The following PROX1 variants were observed in gnomAD, a reference collection of about 807,000 sequenced individuals.
The protein encoded by PROX1 is prospero homeobox 1.
Under a neutral mutation model 58.8 loss-of-function variants are expected in PROX1, and 7 were observed. That is an observed-to-expected ratio of 0.12 (90% CI 0.07 to 0.22). PROX1 has a LOEUF of 0.22. PROX1 is among the 10% of genes least tolerant of loss of function. The probability of loss-of-function intolerance (pLI) is 1.00; values close to 1 mark genes in which losing one functional copy is unlikely to be tolerated. For missense variants in PROX1, 675 were observed against 927.8 expected (o/e 0.73, Z 3.54); for synonymous variants, 350 against 358.3 (o/e 0.98, Z 0.26).
rs1663326374 is a variant in PROX1, at chr1:213,997,692, T to C, written c.1157T>C (p.Leu386Pro). 1 of 1,613,898 alleles carries C rather than the reference T, an allele frequency of 6.2e-7. No individual in the cohort carries two copies. The highest frequency in any genetic ancestry group is 8.5e-7 in the Non-Finnish European group (1 of 1,179,996). ...CAGGTTCCTCAGGTCTTCCCACCTC[T>C]CCAGATCCCCCAGGCCAGATTTGCA... ...SRQVPQVFPP[L>P]QIPQARFAVN... Residue 386 changes from leucine to proline, a missense_variant, in exon 2 of 5, where the codon CTC becomes CCC. Leu to Pro is a moderately conservative substitution (Grantham distance 98). Coordinates refer to ENST00000366958, the MANE Select transcript of PROX1 (RefSeq NM_001270616.2). The surrounding 1 kb of genome is among the most constrained non-coding windows in gnomAD (Gnocchi z 7.1).
chr1:214,026,714 A>G (rs1221143337), intron 4 of PROX1, among the ~76,000 whole-genome samples: 1 of 152,222 alleles, frequency 6.6e-6, no homozygotes. Context: ...AAATTCAGGT[A>G]GAAAAACAAA....
At position 213,990,038 on chromosome 1, in the gene PROX1, T is replaced by C. The variant is rs1035860759; in HGVS notation, c.-68+1555T>C. Among the ~76,000 whole-genome samples, 12 of 148,860 alleles carry C rather than the reference T, an allele frequency of 8.1e-5. No individual in the cohort carries two copies. The East Asian group carries it at 2.4e-3, about 30-fold the overall frequency. On this transcript the variant is annotated intron_variant, in intron 1 of 4. Transcript: ENST00000366958. ...GATCTGTGCTGTCTCCTTGAGCTTATAAAAACAGAGGAAGCACAGGGTGGC... is the reference window on the plus strand; with the variant it reads ...GATCTGTGCTGTCTCCTTGAGCTTACAAAAACAGAGGAAGCACAGGGTGGC...
chr1:213,995,128 C>A (rs762889247), intron 1 of PROX1, among the ~76,000 whole-genome samples: 2 of 151,946 alleles, frequency 1.3e-5, no homozygotes, highest in Non-Finnish European at 2.9e-5. Context: ...GCAATGGACC[C>A]TGTTATTGTG....
chr1:214,020,238 T>C (rs1390211879), intron 4 of PROX1, among the ~76,000 whole-genome samples: 2 of 152,194 alleles, frequency 1.3e-5, no homozygotes, highest in African/African-American at 4.8e-5. Context: ...CACTATTTCC[T>C]TGGATCCTTT....
At chr1:214,005,699 C>T (rs185366273) in intron 3 of PROX1, among the ~76,000 whole-genome samples, 4 of 152,144 alleles carry the variant, frequency 2.6e-5, no homozygotes, top group African/African-American at 4.8e-5. Flanking sequence ...TTCCCCCTGT[C>T]GAAAAGGAGC....
At chr1:214,020,738 TG>T (rs747040831) in intron 4 of PROX1, among the ~76,000 whole-genome samples, 17 of 152,206 alleles carry the variant, frequency 1.1e-4, no homozygotes, top group Non-Finnish European at 2.4e-4. Flanking sequence ...CTCTAACTAC[TG>T]CAACATAAAA....
chr1:214,008,024 T>A (rs1324689114), intron 3 of PROX1, among the ~76,000 whole-genome samples: 1 of 151,672 alleles, frequency 6.6e-6, no homozygotes, highest in Non-Finnish European at 1.5e-5. Context: ...TAGTAAAATG[T>A]ACTCTTTCAA....
intron 3 of PROX1, among the ~76,000 whole-genome samples, chr1:214,006,032 G>A (rs1663696938): frequency 6.6e-6 from 1 of 152,054 alleles, no homozygotes; most frequent in Admixed American, 6.6e-5. Context: ...TTAATCATCT[G>A]TAACTTTTTA....
chr1:214,003,976 T>TGTGTGTGTG lies in PROX1; in HGVS notation c.1726-1189_1726-1188insGTGTGTGTG, dbSNP rs11399035. Among the ~76,000 whole-genome samples the TGTGTGTGTG allele has an allele frequency of 6.6e-3, 999 of 152,080 alleles. 10 individuals carry two copies. The highest frequency in any genetic ancestry group is 0.017 in the African/African-American group (708 of 41,502). On this transcript the variant is annotated intron_variant, in intron 2 of 4. Coordinates refer to ENST00000366958, the MANE Select transcript of PROX1 (RefSeq NM_001270616.2). ...TTGTTGGGTAGTTGTGTGAGTGTGTTTGTGTGTGTGTTTGCACACACAAGC... is the reference window on the plus strand; with the variant it reads ...TTGTTGGGTAGTTGTGTGAGTGTGTTGTGTGTGTGTGTGTGTGTGTTTGCACACACAAGC...
chr1:213,985,013 T>C (rs1268662049), upstream of PROX1: 3 of 152,248 alleles, frequency 2.0e-5, no homozygotes, highest in Non-Finnish European at 4.4e-5. Context: ...CAGAACCAGA[T>C]GCATGGGTGA....
chr1:213,994,886 G>A (rs903098126), intron 1 of PROX1, among the ~76,000 whole-genome samples: 1 of 149,014 alleles, frequency 6.7e-6, no homozygotes, highest in South Asian at 2.2e-4. Context: ...CAGGAGCAAA[G>A]ATTTCATGAG....
intron 3 of PROX1, among the ~76,000 whole-genome samples, chr1:214,007,176 C>T (rs72753599): frequency 0.15 from 23,402 of 152,242 alleles, 2,183 homozygotes; most frequent in Non-Finnish European, 0.21. Flanking sequence ...TAGAATGCCC[C>T]TAGCAATTCA....
rs1571803341 is a variant in PROX1 at position 213,997,418 on chromosome 1, T to G, written c.883T>G (p.Ser295Ala). The G allele has an allele frequency of 6.2e-7, 1 of 1,613,790 alleles. No individual in the cohort carries two copies. The highest frequency in any genetic ancestry group is 1.3e-5 in the African/African-American group (1 of 74,950). The part of the protein sequence containing the change: ...DARAQDSVGR[S>A]DNEMCELDPG... The stretch of plus-strand genomic sequence containing the variant: ...CAGGGCCCAGGACTCTGTCGGAAGG[T>G]CAGATAATGAGATGTGCGAGCTAGA... Residue 295 changes from serine to alanine, a missense_variant, in exon 2 of 5, where the codon TCA (serine) becomes GCA (alanine). By Grantham distance (99) the Ser-to-Ala change is moderately conservative. This residue lies in a region of PROX1 where 403 missense variants were observed against 477.4 expected (regional missense o/e 0.84). Transcript: ENST00000366958. This position sits in a 1 kb window ranked among gnomAD's most constrained non-coding sequence, Gnocchi z 7.1.
intron 3 of PROX1, among the ~76,000 whole-genome samples, chr1:214,005,736 C>T (rs1409543859): frequency 6.6e-6 from 1 of 152,160 alleles, no homozygotes; most frequent in African/African-American, 2.4e-5. Context: ...TATGCAGTAG[C>T]TGCTTAAAAA....
chr1:214,000,023 TTCTG>T (rs1447460980), intron 2 of PROX1, among the ~76,000 whole-genome samples: 2 of 135,552 alleles, frequency 1.5e-5, no homozygotes, highest in African/African-American at 5.8e-5. Flanking sequence ...AGTGGGTTCT[TTCTG>T]TCTCTCTCTC....
At chr1:213,989,520 C>T (rs1662945355) in intron 1 of PROX1, among the ~76,000 whole-genome samples, 1 of 151,818 alleles carries the variant, frequency 6.6e-6, no homozygotes, top group African/African-American at 2.4e-5. Flanking sequence ...CCGTTTTGCC[C>T]CAGTTAGGAG....
chr1:214,031,063 GT>G, intron 4 of PROX1, among the ~76,000 whole-genome samples: 1 of 151,586 alleles, frequency 6.6e-6, no homozygotes, highest in Non-Finnish European at 1.5e-5. Context: ...GTGTGTGTGT[GT>G]GTGCGCGCGC....
intron 4 of PROX1, among the ~76,000 whole-genome samples, chr1:214,023,498 A>C (rs1036187515): frequency 6.6e-5 from 10 of 152,320 alleles, no homozygotes; most frequent in Non-Finnish European, 1.5e-4. Flanking sequence ...CTGGGATTAC[A>C]GGTGTGCATC....
chr1:214,032,842 G>T (rs1431008402), intron 4 of PROX1, among the ~76,000 whole-genome samples: 1 of 152,098 alleles, frequency 6.6e-6, no homozygotes, highest in Non-Finnish European at 1.5e-5. Flanking sequence ...AGGTGATAAA[G>T]GATAACCTAT....
Sources: allele counts gnomAD v4.1 joint callset (sites outside exome capture counted in the v4.1 genomes callset), GRCh38; gene constraint gnomAD v4.1.1; regional missense constraint gnomAD v4.1.1; non-coding constraint Gnocchi (gnomAD v3.1); transcripts MANE v1.5; gene names NCBI Gene and HGNC (gene_info 2026-07-23, HGNC 2026-07-21).